NFX1: variants seen among roughly 807,000 people sequenced by gnomAD.
NFX1 encodes transcriptional repressor NF-X1.
In NFX1, 69 loss-of-function variants were observed where a neutral mutation model predicts 137.2. The ratio of observed to expected loss-of-function variants is 0.50; its 90% CI spans 0.41 to 0.61. The LOEUF (loss-of-function observed/expected upper bound fraction) is 0.61, where lower values mean the gene tolerates loss of function less well. Ranked by LOEUF, NFX1 falls within the 20% of genes least tolerant of loss-of-function variation. The pLI is 0.00. For missense variants in NFX1, 1,167 were observed against 1,391.0 expected, an observed-to-expected ratio of 0.84 and a Z score of 2.56; for synonymous variants, 495 against 474.1, an observed-to-expected ratio of 1.04 and a Z score of -0.57.
chr9:33,321,144 CAT>C (rs1180323503), intron 9 of NFX1, among the ~76,000 whole-genome samples: 1 of 152,116 alleles, frequency 6.6e-6, no homozygotes, highest in Admixed American at 6.5e-5. Context: ...CCCTGGCACT[CAT>C]GTATCCTGTT....
chr9:33,325,693 T>A (rs1220604038), intron 9 of NFX1, among the ~76,000 whole-genome samples: 1 of 151,952 alleles, frequency 6.6e-6, no homozygotes, highest in African/African-American at 2.4e-5. Flanking sequence ...AAGAAAACTG[T>A]CAACCAAGAA....
intron 3 of NFX1, among the ~76,000 whole-genome samples, chr9:33,301,853 T>C (rs650325): frequency 0.98 from 149,480 of 152,302 alleles, 73,428 homozygotes; most frequent in East Asian, 1. Context: ...AGGCGGATCA[T>C]CTGAAGTCAG....
chr9:33,313,199 A>T (rs1822026107), intron 6 of NFX1, among the ~76,000 whole-genome samples: 1 of 152,222 alleles, frequency 6.6e-6, no homozygotes, highest in Non-Finnish European at 1.5e-5. Flanking sequence ...ATGAAATCAC[A>T]TAAAGCAAAT....
At chr9:33,304,362 G>A (rs1245134987) in intron 4 of NFX1, among the ~76,000 whole-genome samples, 1 of 152,208 alleles carries the variant, frequency 6.6e-6, no homozygotes, top group East Asian at 1.9e-4. Flanking sequence ...TTTTGGTAGA[G>A]TGATAGCCCT....
At chr9:33,321,599 G>A (rs1023727658) in intron 9 of NFX1, among the ~76,000 whole-genome samples, 2 of 152,190 alleles carry the variant, frequency 1.3e-5, no homozygotes, top group South Asian at 4.1e-4. Flanking sequence ...ATCAAGGCTG[G>A]GCATGGTGGC....
chr9:33,318,017 A>G (rs1396337079), intron 7 of NFX1, among the ~76,000 whole-genome samples: 1 of 150,664 alleles, frequency 6.6e-6, no homozygotes, highest in African/African-American at 2.4e-5. Flanking sequence ...ATTATAGTGA[A>G]ACCTTTTGGT....
chr9:33,332,862 T>A (rs917992924), intron 11 of NFX1, among the ~76,000 whole-genome samples: 1 of 152,262 alleles, frequency 6.6e-6, no homozygotes, highest in Non-Finnish European at 1.5e-5. Flanking sequence ...CTTTTTCCTT[T>A]TGAGACGGAG....
chr9:33,361,818 G>A (rs184558451), intron 19 of NFX1, among the ~76,000 whole-genome samples: 81 of 150,254 alleles, frequency 5.4e-4, no homozygotes, highest in African/African-American at 1.9e-3. Context: ...TACACATAGA[G>A]AGAAACGTTA....
intron 1 of NFX1, among the ~76,000 whole-genome samples, chr9:33,292,121 G>A (rs1031764372): frequency 6.6e-6 from 1 of 152,172 alleles, no homozygotes; most frequent in African/African-American, 2.4e-5. Flanking sequence ...GAAGAATTCG[G>A]TGGGGCCTAG....
chr9:33,368,173 T>G (rs923870650), intron 23 of NFX1, among the ~76,000 whole-genome samples: 2 of 151,820 alleles, frequency 1.3e-5, no homozygotes, highest in African/African-American at 2.4e-5. Context: ...AGGCAGAGGT[T>G]GCAGTGAGCC....
At chr9:33,317,677 T>C (rs1822219999) in intron 7 of NFX1, among the ~76,000 whole-genome samples, 1 of 148,612 alleles carries the variant, frequency 6.7e-6, no homozygotes, top group African/African-American at 2.5e-5. Context: ...AAAAAAAAAA[T>C]CTAGAGTCTT....
At chr9:33,310,155 T>G (rs1313381022) in intron 5 of NFX1, among the ~76,000 whole-genome samples, 1 of 152,238 alleles carries the variant, frequency 6.6e-6, no homozygotes. Flanking sequence ...AGAGCTTGTT[T>G]AGGAGTTTCA....
Position 33,311,136 on chromosome 9 carries a change from C to T in NFX1, c.1407C>T (p.Cys469=). 5 of 1,614,142 alleles carry T rather than the reference C, an allele frequency of 3.1e-6. No homozygotes were observed. Among genetic ancestry groups the T allele is most frequent in the Non-Finnish European group, 4.2e-6 (5 of 1,180,006 alleles). ...GCCATCCAGGACCCTGCCCACCCTG[C>T]CCTGCCTTTATGACAAAAACATGTG... ...LLCHPGPCPP[C]PAFMTKTCEC... Residue 469 remains cysteine (C), a synonymous_variant, in exon 6 of 24, where the codon TGC becomes TGT. Coordinates refer to ENST00000379540, the MANE Select transcript of NFX1 (RefSeq NM_002504.6).
intron 12 of NFX1, among the ~76,000 whole-genome samples, chr9:33,340,659 GCT>G (rs1319967073): frequency 6.6e-6 from 1 of 152,082 alleles, no homozygotes; most frequent in Admixed American, 6.5e-5. Context: ...AAACTTTTAT[GCT>G]CTGTTTCCCT....
At chr9:33,303,674 G>T (rs763025332) in intron 4 of NFX1, among the ~76,000 whole-genome samples, 24 of 152,150 alleles carry the variant, frequency 1.6e-4, no homozygotes, top group African/African-American at 5.6e-4. Flanking sequence ...TTTATAATCA[G>T]ATTTTTTATA....
In NFX1 at chr9:33,332,454, CT is replaced by C. The variant is rs1217567890; in HGVS notation, c.2005-13del. The C allele has an allele frequency of 1.3e-6, 2 of 1,590,076 alleles. No individual in the cohort carries two copies. The highest frequency in any genetic ancestry group is 3.5e-5 in the Admixed American group (2 of 57,848). ...GTTATTCCTAAAGTAGTTACCATTT[CT>C]TTTTCTTTTTCCATAGGAGCTTCCA... On this transcript the variant is annotated splice_polypyrimidine_tract_variant and intron_variant, in intron 10 of 23. Coordinates refer to ENST00000379540, the MANE Select transcript of NFX1 (RefSeq NM_002504.6).
chr9:33,347,163 T>C (rs952756649), intron 15 of NFX1, 46 bp downstream of exon 15: 6 of 1,388,302 alleles, frequency 4.3e-6, no homozygotes, highest in Non-Finnish European at 6.1e-6. Flanking sequence ...CAGAGGTTCA[T>C]GATTTTATTA....
chr9:33,337,823 T>C (rs1232490764), intron 11 of NFX1, among the ~76,000 whole-genome samples: 1 of 151,954 alleles, frequency 6.6e-6, no homozygotes, highest in East Asian at 1.9e-4. Flanking sequence ...TCAAAGCAGG[T>C]GAATCACCTG....
At chr9:33,328,309 G>A (rs547356636) in intron 9 of NFX1, among the ~76,000 whole-genome samples, 1 of 152,144 alleles carries the variant, frequency 6.6e-6, no homozygotes, top group African/African-American at 2.4e-5. Context: ...ATAGGCATGA[G>A]CCACCACACT....
Sources: allele counts gnomAD v4.1 joint callset (sites outside exome capture counted in the v4.1 genomes callset), GRCh38; gene constraint gnomAD v4.1.1; transcripts MANE v1.5; gene names NCBI Gene and HGNC (gene_info 2026-07-23, HGNC 2026-07-21).